NCOR1: variants seen among roughly 807,000 people sequenced by gnomAD.
The protein encoded by NCOR1 is nuclear receptor corepressor 1.
Under a neutral mutation model 288.1 loss-of-function variants are expected in NCOR1, and 63 were observed. The ratio of observed to expected loss-of-function variants is 0.22; its 90% CI spans 0.18 to 0.27. The LOEUF is 0.27. NCOR1 is among the 10% of genes least tolerant of loss of function. NCOR1 has a pLI of 1.00. For synonymous variants in NCOR1, 1,007 were observed against 1,065.9 expected (o/e 0.94, Z 1.08); for missense variants, 2,397 against 3,019.2 (o/e 0.79, Z 4.83).
chr17:16,084,392 T>C (rs2063889036), intron 23 of NCOR1: 1 of 152,564 alleles, frequency 6.6e-6, no homozygotes, highest in African/African-American at 2.4e-5. Flanking sequence ...TATAACTCAT[T>C]TACCTGGAAT....
In NCOR1 at chr17:16,158,751, T is replaced by G. The variant is rs1335395640; in HGVS notation, c.732+9A>C. 4.6e-5 allele frequency: 73 copies of G among 1,590,434 alleles called. No individual in the cohort carries two copies. Among genetic ancestry groups the G allele is most frequent in the Non-Finnish European group, 5.5e-5 (64 of 1,159,752 alleles). ...AAGGCCTGTGCTGCCAGAGATGGTA[T>G]GAGCTTACCCGATTCTCATCATAAA... On this transcript the variant is annotated intron_variant, in intron 6 of 45. Transcript: ENST00000268712.
chr17:16,034,173 C>A (rs6502488), intron 45 of NCOR1, among the ~76,000 whole-genome samples: 90,493 of 152,078 alleles, frequency 0.6, 27,767 homozygotes, highest in African/African-American at 0.72. Flanking sequence ...TGCAAATAGT[C>A]AATGTTCGCT....
chr17:16,056,494 T>C (rs2059949423), intron 40 of NCOR1, among the ~76,000 whole-genome samples: 1 of 151,852 alleles, frequency 6.6e-6, no homozygotes, highest in East Asian at 1.9e-4. Context: ...TTTTTGTATT[T>C]TTGTAGAGAC....
At chr17:16,106,854 C>CATATATATATATAT (rs1162344281) in intron 19 of NCOR1, among the ~76,000 whole-genome samples, 31 of 46,152 alleles carry the variant, frequency 6.7e-4, no homozygotes, top group South Asian at 1.0e-3. Flanking sequence ...CTTGATCAGA[C>CATATATATATATAT]ATATATATAT....
In NCOR1 at chr17:16,070,519, G is replaced by A; in HGVS notation, c.4159C>T (p.Pro1387Ser). ...CCTGAGTTGTTGTCAAACTTTATTG[G>A]TGTGCCCTAAAGGGAAAGAAACAAA... ...IIEGSISQGTPIKFDNNSGQS... is the reference protein window; with the variant it reads ...IIEGSISQGTSIKFDNNSGQS... The change falls in exon 31 of 46, where the codon CCA becomes TCA. Residue 1387 changes from proline to serine, a missense_variant. By Grantham distance (74) the Pro-to-Ser change is moderately conservative. Transcript: ENST00000268712. The A allele has an allele frequency of 6.2e-7, 1 of 1,613,336 alleles. No individual in the cohort carries two copies. The highest frequency in any genetic ancestry group is 8.5e-7 in the Non-Finnish European group (1 of 1,179,520).
At position 16,139,036 on chromosome 17, in the gene NCOR1, C is replaced by CA; in HGVS notation, c.1323dup (p.Asp442Ter). 6.3e-7 allele frequency: 1 copy of CA among 1,584,572 alleles called. No homozygotes were observed. Among genetic ancestry groups the CA allele is most frequent in the Non-Finnish European group, 8.6e-7 (1 of 1,163,858 alleles). ...TCCTTAAAGATCTCCTTTTCATGGT[C>CA]AGTCCAAACATTCATAAACTGCCTA... is the stretch of plus-strand genomic sequence containing the variant. On this transcript the variant is annotated frameshift_variant, in exon 12 of 46. Transcript: ENST00000268712. LOFTEE classifies it high-confidence loss of function.
intron 38 of NCOR1, 101 bp from the exon 39 acceptor site, chr17:16,058,165 G>A (rs1165017391): frequency 1.5e-6 from 2 of 1,308,886 alleles, no homozygotes; most frequent in Admixed American, 1.9e-5. Context: ...AAAGGATGTG[G>A]TACATAGCTC....
chr17:16,117,534 A>C (rs1029175258), intron 18 of NCOR1, among the ~76,000 whole-genome samples: 2 of 142,936 alleles, frequency 1.4e-5, no homozygotes, highest in Admixed American at 7.0e-5. Context: ...AAAAAAAAAA[A>C]CATCAAGGCT....
chr17:16,171,638 A>C (rs967985158), intron 4 of NCOR1, among the ~76,000 whole-genome samples, 165 bp downstream of exon 4: 5 of 152,086 alleles, frequency 3.3e-5, no homozygotes, highest in Non-Finnish European at 5.9e-5. Context: ...AGTCTGGAGC[A>C]CTCATCTGTG....
At chr17:16,167,019 C>G (rs1339267188) in intron 4 of NCOR1, among the ~76,000 whole-genome samples, 1 of 151,880 alleles carries the variant, frequency 6.6e-6, no homozygotes, top group Non-Finnish European at 1.5e-5. Context: ...TGGTGAACCA[C>G]CAGGACTTTC....
intron 38 of NCOR1, 191 bp from the exon 39 acceptor site, chr17:16,058,255 TA>T: frequency 1.1e-6 from 1 of 882,344 alleles, no homozygotes; most frequent in Non-Finnish European, 1.6e-6. Flanking sequence ...GAACAAAATA[TA>T]AATGCAGAAG....
chr17:16,133,541 G>C (rs1037171212), intron 14 of NCOR1, among the ~76,000 whole-genome samples: 62 of 152,304 alleles, frequency 4.1e-4, no homozygotes, highest in African/African-American at 1.5e-3. Flanking sequence ...CAAGGGAGTT[G>C]ATACATAGAT....
At chr17:16,033,450 C>G (rs562516361) in intron 45 of NCOR1, among the ~76,000 whole-genome samples, 1 of 151,918 alleles carries the variant, frequency 6.6e-6, no homozygotes, top group Non-Finnish European at 1.5e-5. Context: ...GCAGCAACCA[C>G]TGGTCTGGGC....
At position 16,108,882 on chromosome 17, in the gene NCOR1, C is replaced by A; in HGVS notation, c.2086G>T (p.Val696Leu). Residue 696 changes from valine to leucine, a missense_variant, in exon 19 of 46, where the codon GTG becomes TTG. Transcript: ENST00000268712. The part of the protein sequence containing the change: ...TSRKPREERD[V>L]SQCESVASTV... ...GAAGCGACACTTTCACATTGAGACA[C>A]ATCTCGCTCTTCACGAGGTTTTCGT... is the stretch of plus-strand genomic sequence containing the variant. The A allele has an allele frequency of 6.2e-7, 1 of 1,602,518 alleles. No individual in the cohort carries two copies. The highest frequency in any genetic ancestry group is 8.5e-7 in the Non-Finnish European group (1 of 1,173,462).
At position 16,062,227 on chromosome 17, in the gene NCOR1, G is replaced by T. The variant is rs750417141; in HGVS notation, c.5265C>A (p.Arg1755=). ...GAGTTCTTACTGAAGGGGAAGGGGA[G>T]CGAACATATCCATGACTGCCAGGTC... The part of the protein sequence containing the change: ...PGRPGSHGYV[R]SPSPSVRTQE... The change falls in exon 36 of 46, where the codon CGC becomes CGA. Residue 1755 remains arginine, a synonymous_variant. Transcript: ENST00000268712. 6.8e-6 allele frequency: 11 copies of T among 1,613,336 alleles called. No homozygotes were observed. The highest frequency in any genetic ancestry group is 8.5e-6 in the Non-Finnish European group (10 of 1,179,888).
intron 27 of NCOR1, 143 bp from the exon 28 acceptor site, chr17:16,073,712 T>C (rs1445710971): frequency 1.5e-6 from 1 of 672,018 alleles, no homozygotes; most frequent in African/African-American, 1.9e-5. Flanking sequence ...TGTAGATGAT[T>C]CATGAAAATA....
intron 3 of NCOR1, among the ~76,000 whole-genome samples, chr17:16,183,075 T>G (rs2085836731): frequency 6.6e-6 from 1 of 151,648 alleles, no homozygotes; most frequent in Non-Finnish European, 1.5e-5. Flanking sequence ...ACAACTAACA[T>G]CATAATCAAT....
At position 16,125,910 on chromosome 17, in the gene NCOR1, G is replaced by A. The variant is rs1440179552; in HGVS notation, c.1634+172C>T. Among the ~76,000 whole-genome samples, 5 of 151,812 alleles carry A rather than the reference G, an allele frequency of 3.3e-5. No individual in the cohort carries two copies. In the East Asian group the frequency reaches 9.7e-4, roughly 29 times the overall value. ...ACAGGTGAGAGGGTGCGAGGGGGTGGGTGAGGTATAATGGGTATAATGTAC... is the reference window on the plus strand; with the variant it reads ...ACAGGTGAGAGGGTGCGAGGGGGTGAGTGAGGTATAATGGGTATAATGTAC... On this transcript the variant is annotated intron_variant, in intron 15 of 45. Transcript: ENST00000268712.
At chr17:16,213,489 C>CAAA (rs537795184) in intron 1 of NCOR1, among the ~76,000 whole-genome samples, 8 of 78,134 alleles carry the variant, frequency 1.0e-4, no homozygotes, top group African/African-American at 1.7e-4. Context: ...AAGACTGTCT[C>CAAA]AAAAAAAAAA....
Sources: allele counts gnomAD v4.1 joint callset (sites outside exome capture counted in the v4.1 genomes callset), GRCh38; gene constraint gnomAD v4.1.1; transcripts MANE v1.5; gene names NCBI Gene and HGNC (gene_info 2026-07-23, HGNC 2026-07-21).